Variants in DGKQ observed in about 807,000 individuals in gnomAD.
DGKQ encodes the protein diacylglycerol kinase theta, also known as DAG kinase theta.
Under a neutral mutation model 104.2 loss-of-function variants are expected in DGKQ, and 97 were observed. The observed-to-expected ratio is 0.93, with a 90% confidence interval of 0.79 to 1.10. DGKQ has a LOEUF of 1.10. Ranked by LOEUF, DGKQ falls within the 50% of genes least tolerant of loss-of-function variation. The pLI, the probability that DGKQ is intolerant of heterozygous loss-of-function variation, is 0.00. For synonymous variants in DGKQ, 736 were observed against 595.2 expected (o/e 1.24, Z -3.44); for missense variants, 1,465 against 1,352.1 (o/e 1.08, Z -1.31).
rs1711737191 is a variant in DGKQ at position 959,755 on chromosome 4, T to C, written c.*865A>G. On this transcript the variant is annotated 3_prime_UTR_variant, in exon 23 of 23. Transcript: ENST00000273814. ...GCTGTTTACACCTCCCAAACTCCTC[T>C]GCACCGCCATGCCCTGCTTTTGGTC... 3 of 152,218 alleles carry C rather than the reference T, an allele frequency of 2.0e-5. No individual in the cohort carries two copies. The highest frequency in any genetic ancestry group is 7.2e-5 in the African/African-American group (3 of 41,436). The allele number at this position is 152,218 out of a possible 1,614,324, so 9.4% of individuals were successfully genotyped here. A position where few individuals can be genotyped will look rare whatever the true frequency, so the allele number is the denominator to read the frequency against.
Position 967,702 on chromosome 4 carries a change from T to C in DGKQ, c.886+26A>G, listed in dbSNP as rs375247845. ...GGGCGCCCGGGGGACCTCAGTGGAG[T>C]TGGGGGGAATGAGGCGGGCACTTAC... On this transcript the variant is annotated intron_variant, in intron 7 of 22. Coordinates refer to ENST00000273814, the MANE Select transcript of DGKQ (RefSeq NM_001347.4). 8 of 1,611,076 alleles carry C rather than the reference T, an allele frequency of 5.0e-6. No individual in the cohort carries two copies. The African/African-American group carries it at 1.1e-4, about 22-fold the overall frequency.
chr4:960,433 A>AC lies in DGKQ; in HGVS notation c.*186dup. On this transcript the variant is annotated 3_prime_UTR_variant, in exon 23 of 23. Coordinates refer to ENST00000273814, the MANE Select transcript of DGKQ (RefSeq NM_001347.4). The stretch of plus-strand genomic sequence containing the variant: ...CAGTGGGATGAGGGCTGTGACACCA[A>AC]CATGTGTCACCAATGGGATGAGGGC... 1 of 604,380 alleles carries AC rather than the reference A, an allele frequency of 1.7e-6. No individual in the cohort carries two copies. Among genetic ancestry groups the AC allele is most frequent in the Non-Finnish European group, 3.0e-6 (1 of 338,174 alleles). 37.4% of individuals were successfully genotyped at this position (604,380 alleles called of 1,614,324 possible).
chr4:968,950 A>AGCCTGTTGCCCTT, intron 2 of DGKQ, 40 bp from the exon 3 acceptor site: 1 of 1,362,354 alleles, frequency 7.3e-7, no homozygotes, highest in Non-Finnish European at 1.0e-6. Context: ...TGGTAAGGGC[A>AGCCTGTTGCCCTT]ACAGGCTGCC....
At chr4:962,284 TTC>T in intron 18 of DGKQ, 149 bp downstream of exon 18, 2 of 959,998 alleles carry the variant, frequency 2.1e-6, no homozygotes, top group Non-Finnish European at 3.1e-6. Flanking sequence ...AGTGGCTACT[TTC>T]TGTGTCTCCC....
rs1712941028 is a variant in DGKQ at position 971,652 on chromosome 4, C to A, written c.272-580G>T. On this transcript the variant is annotated intron_variant, in intron 1 of 22. Coordinates refer to ENST00000273814, the MANE Select transcript of DGKQ (RefSeq NM_001347.4). The surrounding 1 kb of genome is among the most constrained non-coding windows in gnomAD (Gnocchi z 4.0). ...GCATAGGACCCAGGGAGCACCTGAGCCGGCGGGGTGCTCAGGAGGGCATAA... is the reference window on the plus strand; with the variant it reads ...GCATAGGACCCAGGGAGCACCTGAGACGGCGGGGTGCTCAGGAGGGCATAA... Among the ~76,000 whole-genome samples the A allele has an allele frequency of 6.6e-6, 1 of 152,128 alleles. No homozygotes were observed. Among genetic ancestry groups the A allele is most frequent in the Non-Finnish European group, 1.5e-5 (1 of 68,008 alleles).
intron 1 of DGKQ, among the ~76,000 whole-genome samples, chr4:972,496 G>A (rs978386872): frequency 9.2e-5 from 14 of 152,100 alleles, no homozygotes; most frequent in East Asian, 3.9e-4. Context: ...AGCGTCCCTG[G>A]CCAGGACACA....
intron 15 of DGKQ, among the ~76,000 whole-genome samples, 165 bp from the exon 16 acceptor site, chr4:963,455 T>G (rs1712046227): frequency 6.6e-6 from 1 of 152,224 alleles, no homozygotes; most frequent in Admixed American, 6.5e-5. Context: ...GCCTCACACA[T>G]GAGCTGCGTG....
intron 6 of DGKQ, 38 bp downstream of exon 6, chr4:967,842 C>T (rs779880571): frequency 6.6e-7 from 1 of 1,526,354 alleles, no homozygotes; most frequent in Non-Finnish European, 8.8e-7. Context: ...CAGTGCGCAG[C>T]CCCCAGCCCA....
chr4:968,858 C>T lies in DGKQ; in HGVS notation c.404G>A (p.Cys135Tyr), dbSNP rs766891228. 3 of 1,609,774 alleles carry T rather than the reference C, an allele frequency of 1.9e-6. No homozygotes were observed. The highest frequency in any genetic ancestry group is 2.2e-5 in the East Asian group (1 of 44,790). The stretch of plus-strand genomic sequence containing the variant: ...CTCCAGGACCTTGCGGCAGACAGCA[C>T]AGAACTTGCGCTTGTGGAGCCCCCG... Reference protein sequence around the residue: ...GPRGLHKRKFCAVCRKVLEAP... With the variant: ...GPRGLHKRKFYAVCRKVLEAP... The change falls in exon 3 of 23, where the codon TGT becomes TAT. Residue 135 changes from cysteine to tyrosine, a missense_variant. By Grantham distance (194) the Cys-to-Tyr change is radical. Coordinates refer to ENST00000273814, the MANE Select transcript of DGKQ (RefSeq NM_001347.4).
intron 1 of DGKQ, among the ~76,000 whole-genome samples, chr4:972,422 CT>C (rs1431508212): frequency 6.6e-6 from 1 of 152,204 alleles, no homozygotes; most frequent in African/African-American, 2.4e-5. Flanking sequence ...TCTGCGGACC[CT>C]GACCTGAGTG....
chr4:967,213 G>A lies in DGKQ; in HGVS notation c.1136C>T (p.Ser379Phe). The change falls in exon 9 of 23, where the codon TCC becomes TTC. Residue 379 changes from serine (S) to phenylalanine (F), a missense_variant. Ser to Phe is a radical substitution (Grantham distance 155). Coordinates refer to ENST00000273814, the MANE Select transcript of DGKQ (RefSeq NM_001347.4). ...CCAGGCCTCTGGCGTGGCCTCGCCG[G>A]ACCCGGGGCTTCTGCCCTCCTCCGA... Reference protein sequence around the residue: ...VISEEGRSPGSGEATPEAWVI... With the variant: ...VISEEGRSPGFGEATPEAWVI... The A allele has an allele frequency of 6.3e-7, 1 of 1,584,590 alleles. No individual in the cohort carries two copies. The highest frequency in any genetic ancestry group is 8.6e-7 in the Non-Finnish European group (1 of 1,166,744).
intron 2 of DGKQ, 97 bp downstream of exon 2, chr4:970,896 A>G (rs1712876412): frequency 1.1e-6 from 1 of 903,668 alleles, no homozygotes; most frequent in Non-Finnish European, 1.7e-6. Flanking sequence ...TGCAGGTATC[A>G]CTAACGTCTG....
intron 3 of DGKQ, 84 bp from the exon 4 acceptor site, chr4:968,648 C>A: frequency 7.1e-7 from 1 of 1,405,616 alleles, no homozygotes; most frequent in Non-Finnish European, 9.6e-7. Flanking sequence ...CCCATCCCCA[C>A]CACCTAGCAC....
Position 962,916 on chromosome 4 carries a change from G to T in DGKQ, c.1891C>A (p.His631Asn). Residue 631 changes from histidine (H) to asparagine (N), a missense_variant, in exon 17 of 23, where the codon CAC becomes AAC. His to Asn is a moderately conservative substitution (Grantham distance 68, BLOSUM62 1). Transcript: ENST00000273814. The part of the protein sequence containing the change: ...LTNGGPLPGL[H>N]LFSQVPCFRV... ...AAGCAGGGCACCTGGGAGAACAGGT[G>T]GAGCCTAGCGGGAGACAGGAAGTGT... 1 of 1,607,242 alleles carries T rather than the reference G, an allele frequency of 6.2e-7. No individual in the cohort carries two copies.
At chr4:968,087 G>T (rs1206777182) in intron 5 of DGKQ, 60 bp from the exon 6 acceptor site, 3 of 1,210,974 alleles carry the variant, frequency 2.5e-6, no homozygotes, top group Non-Finnish European at 3.2e-6. Context: ...CACCAGGTGC[G>T]CCAGGTCCAG....
rs759345186 is a variant in DGKQ, at chr4:962,080, G to C, written c.2217C>G (p.Ile739Met). 2 of 1,610,882 alleles carry C rather than the reference G, an allele frequency of 1.2e-6. No homozygotes were observed. The highest frequency in any genetic ancestry group is 1.7e-6 in the Non-Finnish European group (2 of 1,179,666). ...NDTADAEPPK[I>M]VQMSNYCGIG... ...TGCCACAGTAGTTACTCATCTGCAC[G>C]ATCTGGGGACAGGGCGTTCATCTCC... is the stretch of plus-strand genomic sequence containing the variant. Residue 739 changes from isoleucine (I) to methionine (M), a missense_variant and splice_region_variant, in exon 19 of 23, where the codon ATC becomes ATG. Physicochemically the swap from Ile to Met is conservative, Grantham distance 10 (BLOSUM62 1). Coordinates refer to ENST00000273814, the MANE Select transcript of DGKQ (RefSeq NM_001347.4).
chr4:965,217 G>T lies in DGKQ; in HGVS notation c.1693C>A (p.Arg565=). Residue 565 remains arginine, a synonymous_variant, in exon 15 of 23, where the codon CGG becomes AGG. Coordinates refer to ENST00000273814, the MANE Select transcript of DGKQ (RefSeq NM_001347.4). ...ACCAGGGCAGTGAGCAGCCGGCCCC[G>T]CACAGCCATGTCCTTCAGCAGCATG... The part of the protein sequence containing the change: ...LYMLLKDMAV[R]GRLLTALVLP... 6.2e-7 allele frequency: 1 copy of T among 1,612,644 alleles called. No individual in the cohort carries two copies. The highest frequency in any genetic ancestry group is 2.2e-5 in the East Asian group (1 of 44,874).
In DGKQ at chr4:973,398, G is replaced by C. The variant is rs1232989342; in HGVS notation, c.85C>G (p.Leu29Val). Reference sequence around the variant, plus strand: ...GGGCGCGCGCGGCCTCCTGAGCCCAGCACGGGGCTGCAGGCCGGGCTGCCG... The same window carrying C: ...GGGCGCGCGCGGCCTCCTGAGCCCACCACGGGGCTGCAGGCCGGGCTGCCG... Reference protein sequence around the residue: ...RPGSPACSPVLGSGGRARPGP... With the variant: ...RPGSPACSPVVGSGGRARPGP... Residue 29 changes from leucine (L) to valine (V), a missense_variant, in exon 1 of 23, where the codon CTG becomes GTG. Leu to Val is a conservative substitution (Grantham distance 32). Transcript: ENST00000273814. The C allele has an allele frequency of 7.7e-6, 8 of 1,033,654 alleles. No homozygotes were observed. The African/African-American group carries it at 1.2e-4, about 16-fold the overall frequency. 64.0% of individuals were successfully genotyped at this position (1,033,654 alleles called of 1,614,324 possible). A position where few individuals can be genotyped will look rare whatever the true frequency, so the allele number is the denominator to read the frequency against.
chr4:973,336 GCCCGCCCGCTCGGGTCCCGGCCCCGGC>G lies in DGKQ; in HGVS notation c.120_146del (p.Pro41_Gly49del), dbSNP rs1713091135. On this transcript the variant is annotated inframe_deletion, in exon 1 of 23. Coordinates refer to ENST00000273814, the MANE Select transcript of DGKQ (RefSeq NM_001347.4). ...CGGCAGCGGGGCCCGGGGCTCTGACGCCCGCCCGCTCGGGTCCCGGCCCCGGCCCCGGCCCCGGGCGCGCGCGGCCTC... is the reference window on the plus strand; with the variant it reads ...CGGCAGCGGGGCCCGGGGCTCTGACGCCCGGCCCCGGGCGCGCGCGGCCTC... 3.9e-5 allele frequency: 54 copies of G among 1,399,816 alleles called. No homozygotes were observed. The highest frequency in any genetic ancestry group is 5.1e-5 in the Non-Finnish European group (54 of 1,067,972). The allele number at this position is 1,399,816 out of a possible 1,614,324, so 86.7% of individuals were successfully genotyped here. A position where few individuals can be genotyped will look rare whatever the true frequency, so the allele number is the denominator to read the frequency against.
Sources: allele counts gnomAD v4.1 joint callset (sites outside exome capture counted in the v4.1 genomes callset), GRCh38; gene constraint gnomAD v4.1.1; non-coding constraint Gnocchi (gnomAD v3.1); transcripts MANE v1.5; gene names NCBI Gene and HGNC (gene_info 2026-07-23, HGNC 2026-07-21).